The following KLK13 variants were observed in gnomAD, a reference collection of about 807,000 sequenced individuals.
KLK13 encodes the protein kallikrein-13.
KLK13 carries 19 observed loss-of-function variants against 22.4 expected under a neutral mutation model. The ratio of observed to expected loss-of-function variants is 0.85; its 90% confidence interval spans 0.59 to 1.24. The LOEUF is 1.24. Among genes scored for constraint, KLK13 ranks in the 50% most tolerant of loss-of-function variants. KLK13 has a pLI of 0.00. For missense variants in KLK13, 311 were observed against 347.9 expected (o/e 0.89, Z 0.84); for synonymous variants, 156 against 141.8 (o/e 1.10, Z -0.71).
intron 1 of KLK13, chr19:51,063,808 G>A (rs375749944): frequency 6.8e-4 from 316 of 464,288 alleles, no homozygotes; most frequent in African/African-American, 5.6e-3. Context: ...GCCTCTGGTC[G>A]GGAAGCCGCC....
At position 51,059,281 on chromosome 19, in the gene KLK13, A is replaced by G. The variant is rs563432727; in HGVS notation, c.508+544T>C. Among the ~76,000 whole-genome samples, 12 of 150,034 alleles carry G rather than the reference A, an allele frequency of 8.0e-5. No homozygotes were observed. In the East Asian group the frequency reaches 2.3e-3, roughly 29 times the overall value. On this transcript the variant is annotated intron_variant, in intron 3 of 4. Transcript: ENST00000595793. Reference sequence around the variant, plus strand: ...ATTATTAGACATTTCATTAATAACCATATTTAATATATTAAACATTTTATA... The same window carrying G: ...ATTATTAGACATTTCATTAATAACCGTATTTAATATATTAAACATTTTATA...
chr19:51,058,699 A>T (rs756748474), intron 3 of KLK13, 25 bp from the exon 4 acceptor site: 151 of 1,613,548 alleles, frequency 9.4e-5, no homozygotes, highest in Non-Finnish European at 1.2e-4. Context: ...GAGAAGGTCT[A>T]AGGTATCCGA....
chr19:51,058,056 T>A (rs2091691793), intron 4 of KLK13, among the ~76,000 whole-genome samples: 1 of 152,156 alleles, frequency 6.6e-6, no homozygotes, highest in Non-Finnish European at 1.5e-5. Flanking sequence ...GAGGGTAGGA[T>A]GTAAGCTCAA....
chr19:51,062,121 C>T (rs1438048655), intron 1 of KLK13, among the ~76,000 whole-genome samples: 1 of 151,876 alleles, frequency 6.6e-6, no homozygotes, highest in Non-Finnish European at 1.5e-5. Context: ...GTTCTTAAGT[C>T]ACACCAGCCA....
At position 51,060,634 on chromosome 19, in the gene KLK13, A is replaced by G. The variant is rs772454339; in HGVS notation, c.53-15T>C. ...CTGGGAGACACCTGGTAAAGAAGAG[A>G]GATTGTTAGAAAACTGGGATCCAGG... On this transcript the variant is annotated splice_polypyrimidine_tract_variant and intron_variant, in intron 1 of 4. Coordinates refer to ENST00000595793, the MANE Select transcript of KLK13 (RefSeq NM_015596.3). 6.4e-7 allele frequency: 1 copy of G among 1,563,902 alleles called. No homozygotes were observed. Among genetic ancestry groups the G allele is most frequent in the Non-Finnish European group, 8.7e-7 (1 of 1,146,616 alleles).
In KLK13 at chr19:51,056,630, T is replaced by A. The variant is rs759788246; in HGVS notation, c.791A>T (p.Lys264Ile). 2.5e-6 allele frequency: 4 copies of A among 1,614,200 alleles called. No individual in the cohort carries two copies. The East Asian group carries it at 8.9e-5, about 36-fold the overall frequency. The stretch of plus-strand genomic sequence containing the variant: ...CCATTTTTGCTGCTGGGTTTCATAT[T>A]TTCGGATTGTTTCACGGATCCACAG... ...YVLWIRETIR[K>I]YETQQQKWLK... The change falls in exon 5 of 5, where the codon AAA becomes ATA. Residue 264 changes from lysine (K) to isoleucine (I), a missense_variant. Lys to Ile is a moderately radical substitution (Grantham distance 102). Transcript: ENST00000595793.
At chr19:51,058,706 C>T (rs2091698794) in intron 3 of KLK13, 32 bp from the exon 4 acceptor site, 1 of 1,612,404 alleles carries the variant, frequency 6.2e-7, no homozygotes, top group East Asian at 2.2e-5. Context: ...TCTAAGGTAT[C>T]CGACCTGGAT....
At position 51,060,619 on chromosome 19, in the gene KLK13, C is replaced by A; in HGVS notation, c.53G>T (p.Gly18Val). The A allele has an allele frequency of 6.3e-7, 1 of 1,586,112 alleles. No homozygotes were observed. Among genetic ancestry groups the A allele is most frequent in the Non-Finnish European group, 8.6e-7 (1 of 1,160,454 alleles). The change falls in exon 2 of 5, where the codon GGT (glycine) becomes GTT (valine). Residue 18 changes from glycine (G) to valine (V), a missense_variant and splice_region_variant. Physicochemically the swap from Gly to Val is moderately radical, Grantham distance 109 (BLOSUM62 -3). Coordinates refer to ENST00000595793, the MANE Select transcript of KLK13 (RefSeq NM_015596.3). ...IASLTLALSG[G>V]VSQESSKVLN... Reference sequence around the variant, plus strand: ...AACCTTGGAAGACTCCTGGGAGACACCTGGTAAAGAAGAGAGATTGTTAGA... The same window carrying A: ...AACCTTGGAAGACTCCTGGGAGACAACTGGTAAAGAAGAGAGATTGTTAGA...
chr19:51,059,670 A>G (rs2091707407), intron 3 of KLK13, 155 bp downstream of exon 3: 2 of 400,438 alleles, frequency 5.0e-6, no homozygotes, highest in East Asian at 8.3e-5. Flanking sequence ...ATTTATATTT[A>G]TATAAAGGAT....
chr19:51,060,163 C>A lies in KLK13; in HGVS notation c.240-70G>T, dbSNP rs1413000218. 3 of 1,567,998 alleles carry A rather than the reference C, an allele frequency of 1.9e-6. No homozygotes were observed. The East Asian group carries it at 6.7e-5, about 35-fold the overall frequency. ...TTTCCATCCCCATCCCAGCCCCAAC[C>A]TCTTCCCATCCCCAACCTAACTTCT... is the stretch of plus-strand genomic sequence containing the variant. On this transcript the variant is annotated intron_variant, in intron 2 of 4. Coordinates refer to ENST00000595793, the MANE Select transcript of KLK13 (RefSeq NM_015596.3).
rs2091676523 is a variant in KLK13 at position 51,056,554 on chromosome 19, T to C, written c.*33A>G. 4.4e-6 allele frequency: 7 copies of C among 1,606,168 alleles called. No homozygotes were observed. The East Asian group carries it at 1.6e-4, about 36-fold the overall frequency. On this transcript the variant is annotated 3_prime_UTR_variant, in exon 5 of 5. Coordinates refer to ENST00000595793, the MANE Select transcript of KLK13 (RefSeq NM_015596.3). The stretch of plus-strand genomic sequence containing the variant: ...AGCAGACCATGTGAGGAAGTCATGG[T>C]GACAGGATGGAAGCCGGTACATTTC...
chr19:51,063,618 A>G, intron 1 of KLK13: 1 of 456,498 alleles, frequency 2.2e-6, no homozygotes, highest in Non-Finnish European at 4.4e-6. Context: ...CACAAGGCGT[A>G]GCGTGTGGGT....
chr19:51,060,165 C>T (rs2091714170), intron 2 of KLK13, 72 bp from the exon 3 acceptor site: 2 of 1,560,232 alleles, frequency 1.3e-6, no homozygotes, highest in Admixed American at 1.8e-5. Flanking sequence ...GCCCCAACCT[C>T]TTCCCATCCC....
intron 2 of KLK13, 57 bp from the exon 3 acceptor site, chr19:51,060,150 T>C (rs1599785469): frequency 6.3e-7 from 1 of 1,595,094 alleles, no homozygotes; most frequent in East Asian, 2.2e-5. Flanking sequence ...TCCATCCCCA[T>C]CCCAGCCCCA....
upstream of KLK13, chr19:51,065,202 T>C (rs1289013150): frequency 1.7e-6 from 1 of 596,660 alleles, no homozygotes; most frequent in Non-Finnish European, 2.8e-6. Context: ...CATTCACTCT[T>C]GACAGCCCTG....
chr19:51,060,161 A>G (rs2091714076), intron 2 of KLK13, 68 bp from the exon 3 acceptor site: 4 of 1,569,540 alleles, frequency 2.5e-6, no homozygotes, highest in Middle Eastern at 3.4e-4. Context: ...CCCAGCCCCA[A>G]CCTCTTCCCA....
At chr19:51,064,900 G>T (rs915321152) in intron 1 of KLK13, 116 bp downstream of exon 1, 45 of 823,480 alleles carry the variant, frequency 5.5e-5, no homozygotes, top group Admixed American at 8.8e-5. Flanking sequence ...ACTGGACCCG[G>T]CCCCGAGTGG....
rs761574722 is a variant in KLK13 at position 51,056,430 on chromosome 19, G to C, written c.*157C>G. On this transcript the variant is annotated 3_prime_UTR_variant, in exon 5 of 5. Transcript: ENST00000595793. The stretch of plus-strand genomic sequence containing the variant: ...ACTGCAAGCCTGGCAGTGCCTGAAT[G>C]CTTCTGAAACATGGAATGTTAGCTG... 1.3e-6 allele frequency: 1 copy of C among 790,616 alleles called. No homozygotes were observed. Among genetic ancestry groups the C allele is most frequent in the African/African-American group, 1.7e-5 (1 of 57,980 alleles). The allele number at this position is 790,616 out of a possible 1,614,324, so 49.0% of individuals were successfully genotyped here. A position where few individuals can be genotyped will look rare whatever the true frequency, so the allele number is the denominator to read the frequency against.
At chr19:51,061,104 T>C (rs1189961955) in intron 1 of KLK13, among the ~76,000 whole-genome samples, 4 of 152,042 alleles carry the variant, frequency 2.6e-5, no homozygotes, top group African/African-American at 9.7e-5. Flanking sequence ...CATCTAACCA[T>C]CTATCCATCC....
Sources: gnomAD v4.1 joint callset for allele counts (sites outside exome capture counted in the v4.1 genomes callset) on GRCh38, gnomAD v4.1.1 for gene constraint, MANE v1.5 for transcripts, NCBI Gene and HGNC (gene_info 2026-07-23, HGNC 2026-07-21) for gene names.